The following RIMKLB variants were observed in gnomAD, a reference collection of about 807,000 sequenced individuals.
RIMKLB encodes the protein beta-citrylglutamate synthase B.
A neutral mutation model predicts 32.0 loss-of-function variants in RIMKLB; 7 were observed. That is an observed-to-expected ratio of 0.22 (90% confidence interval 0.12 to 0.41). The LOEUF is 0.41. Ranked by LOEUF, RIMKLB falls within the 10% of genes least tolerant of loss-of-function variation. The pLI, the probability that RIMKLB is intolerant of heterozygous loss-of-function variation, is 1.00. For synonymous variants in RIMKLB, 172 were observed against 185.1 expected (o/e 0.93, Z 0.57); for missense variants, 289 against 498.7 (o/e 0.58, Z 4.00).
upstream of RIMKLB, chr12:8,678,738 G>A (rs1003206035): frequency 4.6e-5 from 7 of 152,236 alleles, no homozygotes; most frequent in Non-Finnish European, 8.8e-5. Context: ...CTGTGTTCAG[G>A]AGAGACTGTT....
intron 3 of RIMKLB, 132 bp from the exon 4 acceptor site, chr12:8,751,825 A>T (rs917531653): frequency 1.6e-6 from 1 of 628,718 alleles, no homozygotes; most frequent in African/African-American, 1.9e-5. Flanking sequence ...TACTTTCTCC[A>T]AGAAAAAAAG....
At chr12:8,717,358 A>T (rs941618442) in intron 2 of RIMKLB, among the ~76,000 whole-genome samples, 9 of 152,182 alleles carry the variant, frequency 5.9e-5, no homozygotes, top group Non-Finnish European at 7.4e-5. Flanking sequence ...TATCTGTGCA[A>T]TGTTTTCACA....
intron 2 of RIMKLB, among the ~76,000 whole-genome samples, chr12:8,733,467 A>G (rs779780097): frequency 2.6e-5 from 4 of 152,224 alleles, no homozygotes; most frequent in Non-Finnish European, 4.4e-5. Context: ...ATGTTCTATT[A>G]TTAAGTAACC....
At chr12:8,697,831 C>T (rs959613480), upstream of RIMKLB, 1 of 146,978 alleles carries the variant, frequency 6.8e-6, no homozygotes. Flanking sequence ...CCCAGCTCCT[C>T]CGGCCGCCGC....
intron 5 of RIMKLB, among the ~76,000 whole-genome samples, chr12:8,760,266 C>A (rs769893494): frequency 7.2e-5 from 11 of 152,230 alleles, no homozygotes; most frequent in African/African-American, 9.6e-5. Context: ...CTACAAAGGA[C>A]ATGAACTCAT....
chr12:8,774,001 G>T lies in RIMKLB; in HGVS notation c.*217G>T. On this transcript the variant is annotated 3_prime_UTR_variant, in exon 6 of 6. Transcript: ENST00000535829. Reference sequence around the variant, plus strand: ...CAAATAGAGAGGCAGAATAGGTGGGGTATAGAAAAATGTCAGGCTCTCATA... The same window carrying T: ...CAAATAGAGAGGCAGAATAGGTGGGTTATAGAAAAATGTCAGGCTCTCATA... 3 of 1,343,522 alleles carry T rather than the reference G, an allele frequency of 2.2e-6. No individual in the cohort carries two copies. The highest frequency in any genetic ancestry group is 2.9e-6 in the Non-Finnish European group (3 of 1,051,114). The allele number at this position is 1,343,522 out of a possible 1,614,324, so 83.2% of individuals were successfully genotyped here.
intron 1 of RIMKLB, among the ~76,000 whole-genome samples, chr12:8,705,979 T>A (rs113644728): frequency 0.033 from 5,093 of 152,272 alleles, 289 homozygotes; most frequent in African/African-American, 0.12. Flanking sequence ...GTCAACTGAT[T>A]AGATGTTAAT....
the RIMKLB span, among the ~76,000 whole-genome samples, chr12:8,674,222 CTTTT>C: frequency 4.6e-4 from 56 of 120,926 alleles, no homozygotes; most frequent in African/African-American, 1.6e-3. Flanking sequence ...TCTCACAATT[CTTTT>C]TTTTTTTTTT....
At chr12:8,752,143 C>A in intron 4 of RIMKLB, 100 bp downstream of exon 4, 1 of 752,982 alleles carries the variant, frequency 1.3e-6, no homozygotes. Context: ...TTGTTAGATG[C>A]ATGATACCTC....
upstream of RIMKLB, among the ~76,000 whole-genome samples, chr12:8,694,106 G>A (rs1039237670): frequency 1.3e-5 from 2 of 151,916 alleles, no homozygotes; most frequent in Admixed American, 6.6e-5. Flanking sequence ...TTAGCTGGGC[G>A]CCTGTAATTC....
At chr12:8,782,095 T>C (rs775084678), downstream of RIMKLB, among the ~76,000 whole-genome samples, 1 of 150,982 alleles carries the variant, frequency 6.6e-6, no homozygotes, top group South Asian at 2.2e-4. Context: ...GTAATTTTGA[T>C]TACTATATAA....
At chr12:8,759,785 A>G (rs1486352441) in intron 5 of RIMKLB, among the ~76,000 whole-genome samples, 1 of 152,188 alleles carries the variant, frequency 6.6e-6, no homozygotes, top group Non-Finnish European at 1.5e-5. Context: ...TAAGGATTGC[A>G]GTGATTTCTG....
chr12:8,712,406 C>CT lies in RIMKLB; in HGVS notation c.-56-1404dup, dbSNP rs1307328828. Among the ~76,000 whole-genome samples the CT allele has an allele frequency of 3.9e-5, 6 of 152,022 alleles. No homozygotes were observed. In the East Asian group the frequency reaches 1.2e-3, roughly 29 times the overall value. ...CAGCCTGGGTGACAAGAGTGAAACT[C>CT]TATCTCAAAATAAATAAATAAATAA... On this transcript the variant is annotated intron_variant, in intron 1 of 5. Coordinates refer to ENST00000535829, the MANE Select transcript of RIMKLB (RefSeq NM_001297776.2).
chr12:8,680,923 A>G (rs1400829418), upstream of RIMKLB, among the ~76,000 whole-genome samples: 3 of 152,062 alleles, frequency 2.0e-5, no homozygotes, highest in East Asian at 5.8e-4. Context: ...CAAACTTACA[A>G]TGAAGCATTG....
chr12:8,781,860 T>A (rs1951077610), downstream of RIMKLB, among the ~76,000 whole-genome samples: 1 of 152,050 alleles, frequency 6.6e-6, no homozygotes, highest in Non-Finnish European at 1.5e-5. Flanking sequence ...ATTTATAGAA[T>A]GTAAATGTCA....
chr12:8,728,376 G>A (rs1325036415), intron 2 of RIMKLB, among the ~76,000 whole-genome samples: 1 of 152,154 alleles, frequency 6.6e-6, no homozygotes, highest in African/African-American at 2.4e-5. Context: ...TAAGGTGTGT[G>A]GGGAGGTAAA....
At chr12:8,732,849 A>G (rs1195381404) in intron 2 of RIMKLB, among the ~76,000 whole-genome samples, 1 of 152,028 alleles carries the variant, frequency 6.6e-6, no homozygotes, top group Non-Finnish European at 1.5e-5. Flanking sequence ...CCCTGACTTA[A>G]TATTTTAGAG....
rs1197106049 is a variant in RIMKLB, at chr12:8,723,854, C to G, written c.175+9813C>G. Among the ~76,000 whole-genome samples, 4 of 110,136 alleles carry G rather than the reference C, an allele frequency of 3.6e-5. No individual in the cohort carries two copies. The East Asian group carries it at 1.2e-3, about 33-fold the overall frequency. 72.3% of individuals were successfully genotyped at this position (110,136 alleles called of 152,430 possible). On this transcript the variant is annotated intron_variant, in intron 2 of 5. Coordinates refer to ENST00000535829, the MANE Select transcript of RIMKLB (RefSeq NM_001297776.2). ...GGAGACAGAGTCTTTCTCTGTCGTT[C>G]AGGCTGCTGGAGTACAGTGGTGCAG...
intron 2 of RIMKLB, 114 bp downstream of exon 2, chr12:8,714,155 T>G (rs760455707): frequency 1.2e-5 from 9 of 762,356 alleles, no homozygotes; most frequent in Non-Finnish European, 1.5e-5. Flanking sequence ...ACTAAGTATC[T>G]TCTAATTATA....
Sources: allele counts gnomAD v4.1 joint callset (sites outside exome capture counted in the v4.1 genomes callset), GRCh38; gene constraint gnomAD v4.1.1; transcripts MANE v1.5; gene names NCBI Gene and HGNC (gene_info 2026-07-23, HGNC 2026-07-21).